The following HIVEP2 variants were observed in gnomAD, a reference collection of about 807,000 sequenced individuals.
HIVEP2 encodes the protein HIVEP zinc finger 2, also known as transcription factor HIVEP2.
In HIVEP2, 14 loss-of-function variants were observed where a neutral mutation model predicts 180.7. The observed-to-expected ratio is 0.08, with a 90% confidence interval of 0.05 to 0.12. HIVEP2 has a LOEUF of 0.12. Among genes scored for constraint, HIVEP2 ranks in the 10% least tolerant of loss-of-function variants. The probability of loss-of-function intolerance (pLI) is 1.00; values close to 1 mark genes in which losing one functional copy is unlikely to be tolerated. For missense variants in HIVEP2, 2,579 were observed against 3,008.5 expected, an observed-to-expected ratio of 0.86 and a Z score of 3.34; for synonymous variants, 1,184 against 1,136.4, an observed-to-expected ratio of 1.04 and a Z score of -0.84.
chr6:142,835,566 C>T (rs1467717993), intron 2 of HIVEP2, among the ~76,000 whole-genome samples: 1 of 152,174 alleles, frequency 6.6e-6, no homozygotes, highest in Non-Finnish European at 1.5e-5. Flanking sequence ...GCTTTTCACA[C>T]TTTTAAATAT....
chr6:142,771,667 C>T lies in HIVEP2; in HGVS notation c.3072G>A (p.Gln1024=), dbSNP rs778801129. The T allele has an allele frequency of 6.2e-7, 1 of 1,614,190 alleles. No individual in the cohort carries two copies. Among genetic ancestry groups the T allele is most frequent in the South Asian group, 1.1e-5 (1 of 91,086 alleles). ...YSLSVPGHHH[Q]KEMRRCSSEQ... is the part of the protein sequence containing the mutation. Reference sequence around the variant, plus strand: ...CTGATGAGCAGCGTCGCATCTCTTTCTGGTGGTGATGGCCTGGGACAGACA... The same window carrying T: ...CTGATGAGCAGCGTCGCATCTCTTTTTGGTGGTGATGGCCTGGGACAGACA... Residue 1024 remains glutamine (Q), a synonymous_variant, in exon 5 of 10, where the codon CAG becomes CAA. Transcript: ENST00000367603. The surrounding 1 kb of genome is among the most constrained non-coding windows in gnomAD (Gnocchi z 5.4).
At chr6:142,844,130 A>C (rs1272842218) in intron 1 of HIVEP2, among the ~76,000 whole-genome samples, 1 of 152,138 alleles carries the variant, frequency 6.6e-6, no homozygotes, top group Non-Finnish European at 1.5e-5. Flanking sequence ...ATATCCAGAA[A>C]CAGAATGAAA....
intron 1 of HIVEP2, among the ~76,000 whole-genome samples, chr6:142,919,623 A>G (rs1022738478): frequency 3.9e-5 from 6 of 152,230 alleles, no homozygotes; most frequent in African/African-American, 1.4e-4. Context: ...ACCCACTTTT[A>G]TAATTATTCT....
chr6:142,801,729 T>C (rs558857), intron 2 of HIVEP2, among the ~76,000 whole-genome samples: 7,994 of 152,182 alleles, frequency 0.053, 300 homozygotes, highest in Non-Finnish European at 0.081. Context: ...TGAATCTCCA[T>C]ATGTGAAAAC....
intron 1 of HIVEP2, among the ~76,000 whole-genome samples, chr6:142,916,020 T>C (rs1777541374): frequency 6.6e-6 from 1 of 152,198 alleles, no homozygotes; most frequent in Non-Finnish European, 1.5e-5. Context: ...TTAGGACTCA[T>C]TCTAGGCTAC....
intron 1 of HIVEP2, among the ~76,000 whole-genome samples, chr6:142,869,404 C>T (rs975440408): frequency 1.3e-5 from 2 of 152,054 alleles, no homozygotes; most frequent in African/African-American, 2.4e-5. Flanking sequence ...CAACTATGTA[C>T]AAATTTCTGA....
At chr6:142,923,681 A>G (rs1777733718) in intron 1 of HIVEP2, among the ~76,000 whole-genome samples, 1 of 152,294 alleles carries the variant, frequency 6.6e-6, no homozygotes, top group Non-Finnish European at 1.5e-5. Context: ...ACAGCAGATC[A>G]TTTAACCAAA....
At chr6:142,862,984 A>AT (rs1776042184) in intron 1 of HIVEP2, among the ~76,000 whole-genome samples, 2 of 140,412 alleles carry the variant, frequency 1.4e-5, no homozygotes, top group Non-Finnish European at 3.0e-5. Flanking sequence ...TGTAATATAT[A>AT]ATATGATATA....
At chr6:142,866,336 T>C (rs984373766) in intron 1 of HIVEP2, among the ~76,000 whole-genome samples, 5 of 152,212 alleles carry the variant, frequency 3.3e-5, no homozygotes, top group African/African-American at 9.7e-5. Flanking sequence ...CAGTAAGTGC[T>C]CAATAGATGT....
chr6:142,887,275 T>C (rs1474806704), intron 1 of HIVEP2, among the ~76,000 whole-genome samples: 2 of 151,958 alleles, frequency 1.3e-5, no homozygotes, highest in Non-Finnish European at 2.9e-5. Flanking sequence ...AAAAAAAACC[T>C]AAAAGATAAG....
intron 1 of HIVEP2, among the ~76,000 whole-genome samples, chr6:142,862,505 AT>A (rs1776011110): frequency 8.4e-6 from 1 of 119,592 alleles, no homozygotes; most frequent in African/African-American, 4.7e-5. Flanking sequence ...TATGTATCAT[AT>A]ATTTTATAAT....
In HIVEP2 at chr6:142,770,231, T is replaced by C; in HGVS notation, c.4508A>G (p.Glu1503Gly). The change falls in exon 5 of 10, where the codon GAG becomes GGG. Residue 1503 changes from glutamate (E) to glycine (G), a missense_variant. Coordinates refer to ENST00000367603, the MANE Select transcript of HIVEP2 (RefSeq NM_006734.4). This position sits in a 1 kb window ranked among gnomAD's most constrained non-coding sequence, Gnocchi z 4.7. Reference sequence around the variant, plus strand: ...CCCTGACTGCAAGCCATCTTTTGGCTCAGAAGCACATCCTTGTCGAACCAG... The same window carrying C: ...CCCTGACTGCAAGCCATCTTTTGGCCCAGAAGCACATCCTTGTCGAACCAG... ...PQLVRQGCAS[E>G]PKDGLQSGSS... is the part of the protein sequence containing the mutation. 1.9e-6 allele frequency: 3 copies of C among 1,614,200 alleles called. No individual in the cohort carries two copies. The highest frequency in any genetic ancestry group is 2.5e-6 in the Non-Finnish European group (3 of 1,180,032).
chr6:142,933,770 T>C (rs989454330), intron 1 of HIVEP2, among the ~76,000 whole-genome samples: 1 of 152,240 alleles, frequency 6.6e-6, no homozygotes, highest in Non-Finnish European at 1.5e-5. Flanking sequence ...ACTGTCAGAT[T>C]ATTATTTTAA....
chr6:142,834,207 C>G (rs948291473), intron 2 of HIVEP2, among the ~76,000 whole-genome samples: 5 of 151,974 alleles, frequency 3.3e-5, no homozygotes, highest in African/African-American at 1.2e-4. Context: ...TAAGAAAAAA[C>G]ATATAAAGGC....
rs775795001 is a variant in HIVEP2, at chr6:142,771,847, G to A, written c.2892C>T (p.Ser964=). ...SSFESTGTGL[S]RSPSQESNLS... The stretch of plus-strand genomic sequence containing the variant: ...AGTTGCTTTCTTGGCTGGGGCTGCG[G>A]GAGAGGCCTGTGCCTGTGGATTCAA... The change falls in exon 5 of 10, where the codon TCC becomes TCT. Residue 964 remains serine, a synonymous_variant. Transcript: ENST00000367603. The surrounding 1 kb of genome is among the most constrained non-coding windows in gnomAD (Gnocchi z 5.4). 18 of 1,614,240 alleles carry A rather than the reference G, an allele frequency of 1.1e-5. No homozygotes were observed. The highest frequency in any genetic ancestry group is 1.5e-5 in the Non-Finnish European group (18 of 1,180,050).
At chr6:142,888,198 CTGTTTTGTTT>C (rs911894015) in intron 1 of HIVEP2, among the ~76,000 whole-genome samples, 82 of 152,118 alleles carry the variant, frequency 5.4e-4, no homozygotes, top group African/African-American at 1.9e-3. Flanking sequence ...TGATGGGATT[CTGTTTTGTTT>C]TGTTTTGTTG....
chr6:142,910,839 G>C (rs1018548633), intron 1 of HIVEP2, among the ~76,000 whole-genome samples: 4 of 152,148 alleles, frequency 2.6e-5, no homozygotes, highest in African/African-American at 9.7e-5. Flanking sequence ...CAGACCTAGT[G>C]AATCACATGC....
intron 1 of HIVEP2, among the ~76,000 whole-genome samples, chr6:142,874,381 G>C (rs1043633768): frequency 6.6e-6 from 1 of 151,608 alleles, no homozygotes; most frequent in African/African-American, 2.4e-5. Flanking sequence ...CTGTTTAGTT[G>C]CTTTTTTAAA....
In HIVEP2 at chr6:142,773,156, G is replaced by C; in HGVS notation, c.1583C>G (p.Pro528Arg). The change falls in exon 5 of 10, where the codon CCG (proline) becomes CGG (arginine). Residue 528 changes from proline to arginine, a missense_variant. Pro to Arg is a moderately radical substitution (Grantham distance 103). Around this residue, in one of 11 missense-constraint regions of HIVEP2, gnomAD observed 524 missense variants for 563.6 expected, o/e 0.93. Coordinates refer to ENST00000367603, the MANE Select transcript of HIVEP2 (RefSeq NM_006734.4). ...LYPANFQGSN[P>R]VLLEAPVDSS... is the part of the protein sequence containing the mutation. ...GTCTACAGGAGCTTCTAAGAGAACC[G>C]GGTTGCTGCCTTGGAAGTTTGCTGG... 6.2e-7 allele frequency: 1 copy of C among 1,614,184 alleles called. No homozygotes were observed. The highest frequency in any genetic ancestry group is 8.5e-7 in the Non-Finnish European group (1 of 1,180,032).
Sources: allele counts gnomAD v4.1 joint callset (sites outside exome capture counted in the v4.1 genomes callset), GRCh38; gene constraint gnomAD v4.1.1; regional missense constraint gnomAD v4.1.1; non-coding constraint Gnocchi (gnomAD v3.1); transcripts MANE v1.5; gene names NCBI Gene and HGNC (gene_info 2026-07-23, HGNC 2026-07-21).